The following CTNNA3 variants were observed in gnomAD, a reference collection of about 807,000 sequenced individuals.
CTNNA3 encodes catenin alpha 3, also known as catenin alpha-3.
CTNNA3 carries 76 observed loss-of-function variants against 95.7 expected under a neutral mutation model. That is an observed-to-expected ratio of 0.79 (90% CI 0.66 to 0.96). CTNNA3 has a LOEUF of 0.96. Ranked by LOEUF, CTNNA3 falls within the 40% of genes least tolerant of loss-of-function variation. CTNNA3 has a pLI of 0.00. For synonymous variants in CTNNA3, 431 were observed against 374.4 expected (o/e 1.15, Z -1.74); for missense variants, 1,191 against 1,089.8 (o/e 1.09, Z -1.31).
chr10:67,644,437 A>C (rs922785360), intron 2 of CTNNA3, among the ~76,000 whole-genome samples: 2 of 152,226 alleles, frequency 1.3e-5, no homozygotes, highest in East Asian at 3.9e-4. Flanking sequence ...AATAAAAATA[A>C]ACACTTTTTG....
chr10:67,725,472 C>A (rs1356897252), intron 1 of CTNNA3, among the ~76,000 whole-genome samples: 1 of 152,074 alleles, frequency 6.6e-6, no homozygotes, highest in African/African-American at 2.4e-5. Context: ...CCACTGCGCC[C>A]GGCCTTATTG....
At chr10:67,277,537 G>C (rs1042438512) in intron 5 of CTNNA3, among the ~76,000 whole-genome samples, 1 of 152,068 alleles carries the variant, frequency 6.6e-6, no homozygotes, top group Admixed American at 6.6e-5. Flanking sequence ...AATAGGGGCT[G>C]GGTAAAATAA....
Position 67,521,904 on chromosome 10 carries a change from T to C in CTNNA3, c.517A>G (p.Thr173Ala), listed in dbSNP as rs1839999331. The change falls in exon 5 of 18, where the codon ACC becomes GCC. Residue 173 changes from threonine (T) to alanine (A), a missense_variant. By Grantham distance (58) the Thr-to-Ala change is moderately conservative. Coordinates refer to ENST00000433211, the MANE Select transcript of CTNNA3 (RefSeq NM_013266.4). ...AGCTCCTTCCCAAGCTTCTGGTAGGTTTTCTGGAGGTCAGATTTGTTGGCA... is the reference window on the plus strand; with the variant it reads ...AGCTCCTTCCCAAGCTTCTGGTAGGCTTTCTGGAGGTCAGATTTGTTGGCA... ...NVANKSDLQK[T>A]YQKLGKELEN... 4 of 1,612,922 alleles carry C rather than the reference T, an allele frequency of 2.5e-6. No individual in the cohort carries two copies. The South Asian group carries it at 4.4e-5, about 18-fold the overall frequency.
chr10:66,997,034 A>T (rs1159857814), intron 7 of CTNNA3, among the ~76,000 whole-genome samples: 1 of 152,208 alleles, frequency 6.6e-6, no homozygotes, highest in Non-Finnish European at 1.5e-5. Flanking sequence ...GCAGTTATAG[A>T]TCTGTTTATA....
chr10:66,722,070 G>A (rs1848644316), intron 9 of CTNNA3, among the ~76,000 whole-genome samples: 1 of 152,144 alleles, frequency 6.6e-6, no homozygotes, highest in African/African-American at 2.4e-5. Context: ...TTTATCAGCT[G>A]TCTTTTCTTT....
At chr10:67,352,883 T>G (rs536815168) in intron 5 of CTNNA3, among the ~76,000 whole-genome samples, 2 of 152,106 alleles carry the variant, frequency 1.3e-5, no homozygotes, top group South Asian at 2.1e-4. Flanking sequence ...GCATCTTTTT[T>G]CCTTCATCCT....
intron 10 of CTNNA3, among the ~76,000 whole-genome samples, chr10:66,572,783 G>T (rs118106313): frequency 0.024 from 3,599 of 152,224 alleles, 82 homozygotes; most frequent in South Asian, 0.056. Flanking sequence ...TAGACTTGAG[G>T]AAGATGTTTC....
At chr10:66,425,681 TATATATACACACACACAC>T (rs2093233827) in intron 11 of CTNNA3, among the ~76,000 whole-genome samples, 1 of 148,138 alleles carries the variant, frequency 6.8e-6, no homozygotes, top group African/African-American at 2.6e-5. Flanking sequence ...TAAAGATATA[TATATATACACACACACAC>T]ATATATACAC....
intron 12 of CTNNA3, among the ~76,000 whole-genome samples, chr10:66,292,521 C>A (rs760433437): frequency 1.8e-4 from 28 of 152,160 alleles, no homozygotes; most frequent in African/African-American, 5.8e-4. Context: ...GCTTCTCAAA[C>A]CTTTTCTGTT....
At chr10:66,873,039 T>C (rs185583156) in intron 7 of CTNNA3, among the ~76,000 whole-genome samples, 3 of 152,316 alleles carry the variant, frequency 2.0e-5, no homozygotes, top group Admixed American at 1.3e-4. Context: ...TTGTTTCTTA[T>C]AGCTACATAG....
intron 15 of CTNNA3, among the ~76,000 whole-genome samples, chr10:66,010,829 A>C (rs2078991885): frequency 6.6e-6 from 1 of 152,236 alleles, no homozygotes; most frequent in Non-Finnish European, 1.5e-5. Context: ...GCATTCAGTC[A>C]AGTCATATGC....
chr10:66,134,779 T>A (rs914491172), intron 13 of CTNNA3, among the ~76,000 whole-genome samples: 25 of 152,146 alleles, frequency 1.6e-4, no homozygotes, highest in African/African-American at 5.8e-4. Flanking sequence ...ACAAAATAAA[T>A]ACACATTTTT....
chr10:66,354,128 C>T (rs1212303583), intron 12 of CTNNA3, among the ~76,000 whole-genome samples: 1 of 151,872 alleles, frequency 6.6e-6, no homozygotes, highest in East Asian at 1.9e-4. Context: ...ACTAAAGACA[C>T]AAACAATTAG....
intron 13 of CTNNA3, among the ~76,000 whole-genome samples, chr10:66,211,877 C>T (rs1431477144): frequency 6.6e-6 from 1 of 151,442 alleles, no homozygotes; most frequent in East Asian, 1.9e-4. Flanking sequence ...CTGTCCCTCT[C>T]TATGGATGTG....
chr10:67,551,335 T>C (rs1305490901), intron 3 of CTNNA3, among the ~76,000 whole-genome samples: 2 of 152,060 alleles, frequency 1.3e-5, no homozygotes, highest in African/African-American at 4.8e-5. Flanking sequence ...CGTGGAGTTT[T>C]ACTGGGCAGT....
chr10:67,708,920 T>C (rs1324415729), intron 1 of CTNNA3, among the ~76,000 whole-genome samples: 1 of 151,908 alleles, frequency 6.6e-6, no homozygotes, highest in Non-Finnish European at 1.5e-5. Context: ...ATGAAATTTA[T>C]AGTTACTAAC....
intron 9 of CTNNA3, among the ~76,000 whole-genome samples, chr10:66,632,058 A>C (rs1475470848): frequency 1.3e-5 from 2 of 152,128 alleles, no homozygotes; most frequent in East Asian, 1.9e-4. Context: ...AGATGTATTA[A>C]ATTTTACTTA....
intron 7 of CTNNA3, among the ~76,000 whole-genome samples, chr10:67,107,324 A>G (rs1858692769): frequency 6.6e-6 from 1 of 152,116 alleles, no homozygotes; most frequent in South Asian, 2.1e-4. Flanking sequence ...TTCTCTTTAC[A>G]TTTCTATTTT....
At chr10:66,503,643 G>A (rs144955029) in intron 11 of CTNNA3, among the ~76,000 whole-genome samples, 24,717 of 151,672 alleles carry the variant, frequency 0.16, 2,130 homozygotes, top group African/African-American at 0.19. Flanking sequence ...TAATTTTTGT[G>A]TTTTTAGTAG....
Sources: allele counts gnomAD v4.1 joint callset (sites outside exome capture counted in the v4.1 genomes callset), GRCh38; gene constraint gnomAD v4.1.1; transcripts MANE v1.5; gene names NCBI Gene and HGNC (gene_info 2026-07-23, HGNC 2026-07-21).